C1GALT1: variants seen among roughly 807,000 people sequenced by gnomAD.
C1GALT1 encodes the protein glycoprotein-N-acetylgalactosamine 3-beta-galactosyltransferase 1.
A neutral mutation model predicts 31.0 loss-of-function variants in C1GALT1; 11 were observed. That is an observed-to-expected ratio of 0.36 (90% confidence interval 0.22 to 0.59). The LOEUF is 0.59. C1GALT1 is among the 20% of genes least tolerant of loss of function. The probability of loss-of-function intolerance (pLI) is 0.79; values close to 1 mark genes in which losing one functional copy is unlikely to be tolerated. For synonymous variants in C1GALT1, 175 were observed against 143.6 expected, an observed-to-expected ratio of 1.22 and a Z score of -1.56; for missense variants, 424 against 425.2, an observed-to-expected ratio of 1.00 and a Z score of 0.03.
intron 1 of C1GALT1, among the ~76,000 whole-genome samples, chr7:7,198,907 T>C (rs1282568203): frequency 6.6e-6 from 1 of 152,216 alleles, no homozygotes; most frequent in Non-Finnish European, 1.5e-5. Context: ...TTATTGCATC[T>C]ATTTGATTCT....
At chr7:7,159,925 A>G (rs1780316210) in intron 2 of C1GALT1, among the ~76,000 whole-genome samples, 1 of 152,170 alleles carries the variant, frequency 6.6e-6, no homozygotes, top group Non-Finnish European at 1.5e-5. Context: ...GAGCTTGGTA[A>G]ACTGGAGCAC....
chr7:7,238,616 T>G lies in C1GALT1; in HGVS notation c.582T>G (p.Phe194Leu). 3 of 1,614,100 alleles carry G rather than the reference T, an allele frequency of 1.9e-6. No homozygotes were observed. Among genetic ancestry groups the G allele is most frequent in the African/African-American group, 2.7e-5 (2 of 75,050 alleles). The change falls in exon 3 of 4, where the codon TTT becomes TTG. Residue 194 changes from phenylalanine to leucine, a missense_variant. Phe to Leu is a conservative substitution (Grantham distance 22, BLOSUM62 0). Around this residue, in one of 3 missense-constraint regions of C1GALT1, gnomAD observed 44 missense variants for 78.3 expected, o/e 0.56. Coordinates refer to ENST00000436587, the MANE Select transcript of C1GALT1 (RefSeq NM_020156.5). This position sits in a 1 kb window ranked among gnomAD's most constrained non-coding sequence, Gnocchi z 5.2. ...ACGACCCTGAAGAACCCATTTACTT[T>G]GGGAGAAGATTTAAGCCTTATGTAA... Reference protein sequence around the residue: ...SKYDPEEPIYFGRRFKPYVKQ... With the variant: ...SKYDPEEPIYLGRRFKPYVKQ...
intron 1 of C1GALT1, among the ~76,000 whole-genome samples, chr7:7,186,551 A>G (rs1780823499): frequency 6.6e-6 from 1 of 152,194 alleles, no homozygotes; most frequent in Non-Finnish European, 1.5e-5. Context: ...AGGTTTCAGA[A>G]CCACTGATCA....
chr7:7,227,593 G>A (rs201804141), intron 1 of C1GALT1, among the ~76,000 whole-genome samples: 2 of 151,312 alleles, frequency 1.3e-5, no homozygotes, highest in South Asian at 2.1e-4. Flanking sequence ...AGTGGCGGGC[G>A]CCTGTAGTCC....
At chr7:7,213,319 A>G (rs1782092136) in intron 1 of C1GALT1, among the ~76,000 whole-genome samples, 1 of 152,226 alleles carries the variant, frequency 6.6e-6, no homozygotes, top group Admixed American at 6.5e-5. Context: ...ATGACTGATA[A>G]TTTATTTCCA....
chr7:7,204,991 T>C (rs1050893122), intron 1 of C1GALT1, among the ~76,000 whole-genome samples: 18 of 152,176 alleles, frequency 1.2e-4, no homozygotes, highest in Non-Finnish European at 2.4e-4. Flanking sequence ...TTGAGAACAA[T>C]ATGTATTTGG....
Position 7,247,665 on chromosome 7 carries a change from A to G in C1GALT1, c.*3938A>G, listed in dbSNP as rs748303300. The G allele has an allele frequency of 1.3e-5, 2 of 152,048 alleles. No individual in the cohort carries two copies. The highest frequency in any genetic ancestry group is 1.9e-4 in the East Asian group (1 of 5,198). 9.4% of individuals were successfully genotyped at this position (152,048 alleles called of 1,614,324 possible). A position where few individuals can be genotyped will look rare whatever the true frequency, so the allele number is the denominator to read the frequency against. Reference sequence around the variant, plus strand: ...AATTACATCTAGCATTTTATTTGCCATTTCAATTTTCAGTTCATTAGACTA... The same window carrying G: ...AATTACATCTAGCATTTTATTTGCCGTTTCAATTTTCAGTTCATTAGACTA... On this transcript the variant is annotated 3_prime_UTR_variant, in exon 4 of 4. Transcript: ENST00000436587.
At chr7:7,166,711 T>C (rs955734783) in intron 2 of C1GALT1, among the ~76,000 whole-genome samples, 1 of 152,216 alleles carries the variant, frequency 6.6e-6, no homozygotes, top group Non-Finnish European at 1.5e-5. Context: ...TTGCTTAATC[T>C]CTAAGACTAC....
At chr7:7,233,935 TG>T (rs1347634265) in intron 1 of C1GALT1, among the ~76,000 whole-genome samples, 1 of 152,078 alleles carries the variant, frequency 6.6e-6, no homozygotes, top group African/African-American at 2.4e-5. Flanking sequence ...GAAGGGGTGG[TG>T]GTTGCTACCA....
chr7:7,182,454 C>T (rs1196590926), upstream of C1GALT1: 1 of 152,296 alleles, frequency 6.6e-6, no homozygotes, highest in Non-Finnish European at 1.5e-5. Flanking sequence ...GCAGCCAATC[C>T]CCGCTTCCTC....
chr7:7,210,967 C>T (rs918918714), intron 1 of C1GALT1, among the ~76,000 whole-genome samples: 1 of 152,168 alleles, frequency 6.6e-6, no homozygotes, highest in African/African-American at 2.4e-5. Flanking sequence ...TACAACATTC[C>T]CGCCTGTGGA....
chr7:7,194,704 G>A (rs1197482972), intron 1 of C1GALT1, among the ~76,000 whole-genome samples: 1 of 151,998 alleles, frequency 6.6e-6, no homozygotes, highest in Non-Finnish European at 1.5e-5. Flanking sequence ...GAATTAGGGA[G>A]GGTTTCCTCT....
Position 7,246,340 on chromosome 7 carries a change from A to C in C1GALT1, c.*2613A>C, listed in dbSNP as rs1783843010. ...GGCTTGGGGCTATTCATGTAGCATT[A>C]TTTCCATTTTTATGTATATGATATA... On this transcript the variant is annotated 3_prime_UTR_variant, in exon 4 of 4. Transcript: ENST00000436587. The C allele has an allele frequency of 1.3e-5, 2 of 152,238 alleles. No homozygotes were observed. The highest frequency in any genetic ancestry group is 2.9e-5 in the Non-Finnish European group (2 of 68,014). The allele number at this position is 152,238 out of a possible 1,614,324, so 9.4% of individuals were successfully genotyped here. A position where few individuals can be genotyped will look rare whatever the true frequency, so the allele number is the denominator to read the frequency against.
At chr7:7,197,037 T>G (rs1781321351) in intron 1 of C1GALT1, among the ~76,000 whole-genome samples, 2 of 152,242 alleles carry the variant, frequency 1.3e-5, no homozygotes. Context: ...GCAGAAGCTT[T>G]TTAGTTTAAT....
At chr7:7,198,322 T>TAAA (rs1781386872) in intron 1 of C1GALT1, among the ~76,000 whole-genome samples, 1 of 152,172 alleles carries the variant, frequency 6.6e-6, no homozygotes, top group African/African-American at 2.4e-5. Flanking sequence ...TCTGTTTATA[T>TAAA]GATGGATTAC....
chr7:7,211,844 T>C (rs758384660), intron 1 of C1GALT1, among the ~76,000 whole-genome samples: 1 of 152,214 alleles, frequency 6.6e-6, no homozygotes, highest in Non-Finnish European at 1.5e-5. Context: ...AGATTACCAC[T>C]TGAGTCACAG....
rs1030613516 is a variant in C1GALT1, at chr7:7,182,790, A to G, written c.-48A>G. 1.5e-5 allele frequency: 15 copies of G among 985,092 alleles called. No homozygotes were observed. Among genetic ancestry groups the G allele is most frequent in the Non-Finnish European group, 1.8e-5 (15 of 829,780 alleles). The allele number at this position is 985,092 out of a possible 1,614,324, so 61.0% of individuals were successfully genotyped here. A position where few individuals can be genotyped will look rare whatever the true frequency, so the allele number is the denominator to read the frequency against. ...GTCGTCCCCCTCTCCGCCCCCCAGG[A>G]GGGGCGAGAGGGAGCCGCAGCTGAT... On this transcript the variant is annotated 5_prime_UTR_variant, in exon 1 of 4. Transcript: ENST00000436587.
intron 1 of C1GALT1, among the ~76,000 whole-genome samples, chr7:7,183,872 A>T: frequency 6.6e-6 from 1 of 152,184 alleles, no homozygotes; most frequent in East Asian, 1.9e-4. Context: ...AAAAGTTATA[A>T]ATTTAGAACC....
At chr7:7,237,215 G>A (rs1458452049) in intron 2 of C1GALT1, among the ~76,000 whole-genome samples, 1 of 151,378 alleles carries the variant, frequency 6.6e-6, no homozygotes, top group Non-Finnish European at 1.5e-5. Context: ...ATAAAAATTG[G>A]CCTTTCACCA....
Sources: allele counts gnomAD v4.1 joint callset (sites outside exome capture counted in the v4.1 genomes callset), GRCh38; gene constraint gnomAD v4.1.1; regional missense constraint gnomAD v4.1.1; non-coding constraint Gnocchi (gnomAD v3.1); transcripts MANE v1.5; gene names NCBI Gene and HGNC (gene_info 2026-07-23, HGNC 2026-07-21).